The following SRGAP1 variants were observed in gnomAD, a reference collection of about 807,000 sequenced individuals.
SRGAP1 encodes the protein SLIT-ROBO Rho GTPase activating protein 1.
A neutral mutation model predicts 121.9 loss-of-function variants in SRGAP1; 43 were observed. The observed-to-expected ratio is 0.35, with a 90% CI of 0.28 to 0.46. The LOEUF (loss-of-function observed/expected upper bound fraction) is 0.46, where lower values mean the gene tolerates loss of function less well. Ranked by LOEUF, SRGAP1 falls within the 20% of genes least tolerant of loss-of-function variation. The probability of loss-of-function intolerance (pLI) is 1.00; values close to 1 mark genes in which losing one functional copy is unlikely to be tolerated. For synonymous variants in SRGAP1, 447 were observed against 485.4 expected, an observed-to-expected ratio of 0.92 and a Z score of 1.04; for missense variants, 1,102 against 1,350.9, an observed-to-expected ratio of 0.82 and a Z score of 2.89.
At chr12:64,004,381 T>C (rs1184722941) in intron 3 of SRGAP1, among the ~76,000 whole-genome samples, 2 of 152,136 alleles carry the variant, frequency 1.3e-5, no homozygotes, top group South Asian at 2.1e-4. Context: ...TTTGTTTTTG[T>C]TTTTCACTTG....
intron 17 of SRGAP1, 35 bp downstream of exon 17, chr12:64,112,021 G>A (rs780462506): frequency 3.5e-5 from 53 of 1,507,380 alleles, no homozygotes; most frequent in South Asian, 4.6e-5. Context: ...CTCTCCCACC[G>A]AAAATTATGG....
intron 1 of SRGAP1, among the ~76,000 whole-genome samples, chr12:63,928,366 T>C (rs2031340807): frequency 2.0e-5 from 3 of 152,196 alleles, no homozygotes; most frequent in African/African-American, 7.2e-5. Context: ...TCGAAAAGAC[T>C]TGGAGAAAAA....
At chr12:63,972,979 TCTA>T (rs2032998703) in intron 1 of SRGAP1, among the ~76,000 whole-genome samples, 1 of 151,788 alleles carries the variant, frequency 6.6e-6, no homozygotes, top group African/African-American at 2.4e-5. Flanking sequence ...AAACCTTGTC[TCTA>T]CTAAAAATAC....
At chr12:63,917,956 A>G (rs1195112624) in intron 1 of SRGAP1, among the ~76,000 whole-genome samples, 2 of 152,194 alleles carry the variant, frequency 1.3e-5, no homozygotes, top group African/African-American at 4.8e-5. Context: ...GCTAGCACAA[A>G]TGCAAGATTA....
At chr12:63,853,652 G>A (rs1003836729) in intron 1 of SRGAP1, among the ~76,000 whole-genome samples, 2 of 152,260 alleles carry the variant, frequency 1.3e-5, no homozygotes, top group Admixed American at 6.5e-5. Flanking sequence ...GGCACCATGA[G>A]GGATACACTG....
At chr12:63,907,260 G>A (rs1231588569) in intron 1 of SRGAP1, among the ~76,000 whole-genome samples, 1 of 152,172 alleles carries the variant, frequency 6.6e-6, no homozygotes, top group African/African-American at 2.4e-5. Flanking sequence ...GAGTTAGCCA[G>A]GTGTTGTGGC....
chr12:63,922,808 T>C (rs1346588655), intron 1 of SRGAP1, among the ~76,000 whole-genome samples: 1 of 152,252 alleles, frequency 6.6e-6, no homozygotes, highest in Non-Finnish European at 1.5e-5. Context: ...TATTCATTTG[T>C]ACAGAGTCTG....
chr12:63,868,298 G>T (rs185983953), intron 1 of SRGAP1, among the ~76,000 whole-genome samples: 5 of 151,590 alleles, frequency 3.3e-5, no homozygotes, highest in African/African-American at 9.7e-5. Flanking sequence ...GGCCAGCCTG[G>T]TGTCAAACTC....
chr12:63,850,491 G>A (rs1899040632), intron 1 of SRGAP1, among the ~76,000 whole-genome samples: 2 of 151,666 alleles, frequency 1.3e-5, no homozygotes, highest in African/African-American at 4.8e-5. Flanking sequence ...CAGTGCAGTG[G>A]GTGAACAAGG....
intron 1 of SRGAP1, among the ~76,000 whole-genome samples, chr12:63,845,182 G>T (rs556447304): frequency 6.6e-6 from 1 of 152,184 alleles, no homozygotes; most frequent in Non-Finnish European, 1.5e-5. Flanking sequence ...ACTTATGTGG[G>T]AAGCAGGCAG....
intron 1 of SRGAP1, among the ~76,000 whole-genome samples, chr12:63,922,725 G>A (rs1002729110): frequency 1.6e-4 from 24 of 152,212 alleles, no homozygotes; most frequent in African/African-American, 4.8e-4. Flanking sequence ...TGTTGCATGG[G>A]AGGCATCTGT....
chr12:63,929,575 GT>G (rs1217261573), intron 1 of SRGAP1, among the ~76,000 whole-genome samples: 16,523 of 137,012 alleles, frequency 0.12, 1,319 homozygotes, highest in African/African-American at 0.25. Flanking sequence ...GCCCCCACGA[GT>G]TTTTTTTTTT....
chr12:63,984,994 C>T (rs1444760140), intron 2 of SRGAP1, among the ~76,000 whole-genome samples: 3 of 127,730 alleles, frequency 2.3e-5, no homozygotes, highest in Non-Finnish European at 4.8e-5. Context: ...CCAGGCTGGG[C>T]AATAGAGTGA....
intron 6 of SRGAP1, among the ~76,000 whole-genome samples, chr12:64,045,459 G>T: frequency 6.7e-6 from 1 of 149,570 alleles, no homozygotes; most frequent in Non-Finnish European, 1.5e-5. Flanking sequence ...TTTCTGAGAT[G>T]GAGTCTCACT....
chr12:63,884,921 C>T (rs1374482105), intron 1 of SRGAP1, among the ~76,000 whole-genome samples: 10 of 152,032 alleles, frequency 6.6e-5, no homozygotes, highest in South Asian at 4.2e-4. Context: ...GGGGTTTCAC[C>T]GCATTAGCCA....
chr12:64,126,285 C>T (rs2036686427), intron 19 of SRGAP1, 128 bp downstream of exon 19: 1 of 1,058,800 alleles, frequency 9.4e-7, no homozygotes, highest in Non-Finnish European at 1.3e-6. Flanking sequence ...CAGAGCTAGG[C>T]ACAGTTCCTT....
intron 4 of SRGAP1, among the ~76,000 whole-genome samples, chr12:64,037,111 A>G (rs1369045130): frequency 1.3e-5 from 2 of 152,190 alleles, no homozygotes; most frequent in African/African-American, 2.4e-5. Context: ...TAAGCTTGCC[A>G]TGGAGAATGG....
intron 1 of SRGAP1, among the ~76,000 whole-genome samples, chr12:63,913,976 T>C (rs2030668029): frequency 6.6e-6 from 1 of 152,172 alleles, no homozygotes; most frequent in Non-Finnish European, 1.5e-5. Flanking sequence ...CTATTTATTA[T>C]TTTTTCTTAT....
chr12:63,865,260 G>A (rs1023196604), intron 1 of SRGAP1, among the ~76,000 whole-genome samples: 18 of 152,214 alleles, frequency 1.2e-4, no homozygotes, highest in Admixed American at 9.8e-4. Flanking sequence ...CGTGAGGTCA[G>A]GAGTTCGAGA....
Sources: allele counts gnomAD v4.1 joint callset (sites outside exome capture counted in the v4.1 genomes callset), GRCh38; gene constraint gnomAD v4.1.1; transcripts MANE v1.5; gene names NCBI Gene and HGNC (gene_info 2026-07-23, HGNC 2026-07-21).